DDX31: variants seen among roughly 807,000 people sequenced by gnomAD.
DDX31 encodes the protein ATP-dependent DNA helicase DDX31.
DDX31 carries 70 observed loss-of-function variants against 91.3 expected under a neutral mutation model. The observed-to-expected ratio is 0.77, with a 90% CI of 0.63 to 0.94. The LOEUF is 0.94. Ranked by LOEUF, DDX31 falls within the 40% of genes least tolerant of loss-of-function variation. The pLI, the probability that DDX31 is intolerant of heterozygous loss-of-function variation, is 0.00. For synonymous variants in DDX31, 362 were observed against 350.6 expected, an observed-to-expected ratio of 1.03 and a Z score of -0.36; for missense variants, 902 against 925.0, an observed-to-expected ratio of 0.98 and a Z score of 0.32.
intron 18 of DDX31, chr9:132,612,460 G>A (rs1013697797): frequency 5.1e-6 from 3 of 585,894 alleles, no homozygotes; most frequent in Non-Finnish European, 9.0e-6. Flanking sequence ...AAAACTACAG[G>A]GGGCCACAAT....
chr9:132,632,336 G>A (rs1444414416), intron 14 of DDX31, among the ~76,000 whole-genome samples: 1 of 134,328 alleles, frequency 7.4e-6, no homozygotes, highest in Non-Finnish European at 1.7e-5. Flanking sequence ...GGGACCTACT[G>A]CAGTCCTCTT....
rs1833820738 is a variant in DDX31, at chr9:132,646,091, G to T, written c.1204-20C>A. The T allele has an allele frequency of 6.2e-7, 1 of 1,602,816 alleles. No homozygotes were observed. Among genetic ancestry groups the T allele is most frequent in the Non-Finnish European group, 8.5e-7 (1 of 1,172,390 alleles). On this transcript the variant is annotated intron_variant, in intron 12 of 19. Coordinates refer to ENST00000372159, the MANE Select transcript of DDX31 (RefSeq NM_022779.9). ...CTCAAACTACATCGATACAAAGGGAGGAAAAACCGACATATTTTAAGATTA... is the reference window on the plus strand; with the variant it reads ...CTCAAACTACATCGATACAAAGGGATGAAAAACCGACATATTTTAAGATTA...
At chr9:132,654,225 T>C (rs1254364604) in intron 6 of DDX31, among the ~76,000 whole-genome samples, 2 of 152,264 alleles carry the variant, frequency 1.3e-5, no homozygotes, top group South Asian at 2.1e-4. Flanking sequence ...AGTCAAATGA[T>C]AACCTGGGGA....
intron 13 of DDX31, among the ~76,000 whole-genome samples, chr9:132,644,528 G>A (rs1477463919): frequency 1.3e-5 from 2 of 152,122 alleles, no homozygotes; most frequent in South Asian, 4.2e-4. Flanking sequence ...CCCCCAGAGG[G>A]CACAGCTATA....
chr9:132,617,194 C>T (rs892735751), intron 18 of DDX31, among the ~76,000 whole-genome samples: 1 of 152,134 alleles, frequency 6.6e-6, no homozygotes, highest in Non-Finnish European at 1.5e-5. Context: ...CCAGAATGCC[C>T]TTCCTTTAGA....
chr9:132,598,262 G>T (rs1256593098), intron 19 of DDX31, among the ~76,000 whole-genome samples: 1 of 152,182 alleles, frequency 6.6e-6, no homozygotes, highest in Non-Finnish European at 1.5e-5. Flanking sequence ...AAGATGAAAT[G>T]CTCTAAACCC....
chr9:132,647,021 TG>T lies in DDX31; in HGVS notation c.1004del (p.Pro335GlnfsTer14). 1 of 1,614,156 alleles carries T rather than the reference TG, an allele frequency of 6.2e-7. No individual in the cohort carries two copies. The highest frequency in any genetic ancestry group is 8.5e-7 in the Non-Finnish European group (1 of 1,180,030). ...TRLADISLHD[P>X]VSISVLDKSH... ...TCTTGTCCAGGACAGAAATACTGACTGGATCATGCAAACTGATATCAGCTAG... is the reference window on the plus strand; with the variant it reads ...TCTTGTCCAGGACAGAAATACTGACTGATCATGCAAACTGATATCAGCTAG... On this transcript the variant is annotated frameshift_variant, in exon 12 of 20. Transcript: ENST00000372159. LOFTEE classifies it high-confidence loss of function.
Position 132,648,256 on chromosome 9 carries a change from T to A in DDX31, c.900A>T (p.Ile300=). 1 of 1,613,890 alleles carries A rather than the reference T, an allele frequency of 6.2e-7. No homozygotes were observed. The highest frequency in any genetic ancestry group is 8.5e-7 in the Non-Finnish European group (1 of 1,179,952). The change falls in exon 11 of 20, where the codon ATA becomes ATT. Residue 300 remains isoleucine (I), a synonymous_variant. Transcript: ENST00000372159. Reference sequence around the variant, plus strand: ...GGCATTCAGCATTTACAGCATTAAGTATCACTGTGATGTCCTTTTCAAAAC... The same window carrying A: ...GGCATTCAGCATTTACAGCATTAAGAATCACTGTGATGTCCTTTTCAAAAC... The part of the protein sequence containing the change: ...DLGFEKDITV[I]LNAVNAECQK...
At chr9:132,669,259 C>CT (rs1182196727) in intron 1 of DDX31, among the ~76,000 whole-genome samples, 2 of 136,888 alleles carry the variant, frequency 1.5e-5, no homozygotes, top group Admixed American at 1.4e-4. Flanking sequence ...CCCGCCCGCC[C>CT]CCCCCAAAGA....
chr9:132,618,546 T>A, intron 17 of DDX31, 105 bp from the exon 18 acceptor site: 2 of 873,942 alleles, frequency 2.3e-6, no homozygotes, highest in Non-Finnish European at 3.5e-6. Context: ...AGTAACCACC[T>A]AGGGCCAACA....
At chr9:132,651,206 G>C (rs1208639258) in intron 7 of DDX31, 90 bp from the exon 8 acceptor site, 1 of 1,100,634 alleles carries the variant, frequency 9.1e-7, no homozygotes, top group Admixed American at 2.3e-5. Flanking sequence ...ATCCAAACTT[G>C]GACCTCAAGT....
intron 14 of DDX31, among the ~76,000 whole-genome samples, chr9:132,634,427 A>T (rs1187465517): frequency 6.6e-6 from 1 of 152,074 alleles, no homozygotes; most frequent in African/African-American, 2.4e-5. Context: ...TGCAAACATC[A>T]TGACAATTTA....
intron 1 of DDX31, among the ~76,000 whole-genome samples, chr9:132,666,958 C>T (rs965101183): frequency 2.6e-5 from 4 of 151,974 alleles, no homozygotes; most frequent in Admixed American, 6.6e-5. Context: ...CGTGATCCAC[C>T]GGCCTCGGCC....
intron 17 of DDX31, among the ~76,000 whole-genome samples, chr9:132,622,529 C>T (rs183954289): frequency 9.8e-5 from 15 of 152,312 alleles, no homozygotes; most frequent in Non-Finnish European, 1.9e-4. Flanking sequence ...AGCTTCCCTG[C>T]GTTGCGCAGA....
At chr9:132,662,788 T>TC in intron 1 of DDX31, 93 bp from the exon 2 acceptor site, 6 of 1,535,518 alleles carry the variant, frequency 3.9e-6, no homozygotes, top group Non-Finnish European at 5.3e-6. Context: ...CAGAATTGCA[T>TC]CTCTCCCTGC....
intron 19 of DDX31, among the ~76,000 whole-genome samples, chr9:132,596,649 C>T (rs1261639076): frequency 6.6e-6 from 1 of 152,212 alleles, no homozygotes; most frequent in Non-Finnish European, 1.5e-5. Flanking sequence ...AGGAGGGTAA[C>T]CTGCCCCAGG....
At chr9:132,638,102 C>A in intron 14 of DDX31, 1 of 1,357,504 alleles carries the variant, frequency 7.4e-7, no homozygotes. Flanking sequence ...GCCGGACAGC[C>A]AAGGAGGATG....
At position 132,595,560 on chromosome 9, in the gene DDX31, C is replaced by T. The variant is rs146843766; in HGVS notation, c.1995-448G>A. ...CCTCCTCATGGGCTCCTGAGGGCTT[C>T]AGGACTCAGCCCTGCGGGAGCAGAG... is the stretch of plus-strand genomic sequence containing the variant. On this transcript the variant is annotated intron_variant, in intron 19 of 19. Transcript: ENST00000372159. The surrounding 1 kb of genome is among the most constrained non-coding windows in gnomAD (Gnocchi z 4.6). Among the ~76,000 whole-genome samples the T allele has an allele frequency of 6.6e-6, 1 of 152,354 alleles. No individual in the cohort carries two copies. Among genetic ancestry groups the T allele is most frequent in the Non-Finnish European group, 1.5e-5 (1 of 68,042 alleles).
intron 18 of DDX31, 81 bp downstream of exon 18, chr9:132,618,249 G>T (rs1831768088): frequency 1.6e-6 from 2 of 1,245,896 alleles, no homozygotes; most frequent in Admixed American, 2.2e-5. Flanking sequence ...CTCTCAACCG[G>T]TTTGGGGGTA....
Sources: gnomAD v4.1 joint callset for allele counts (sites outside exome capture counted in the v4.1 genomes callset) on GRCh38, gnomAD v4.1.1 for gene constraint, Gnocchi (gnomAD v3.1) non-coding constraint, MANE v1.5 for transcripts, NCBI Gene and HGNC (gene_info 2026-07-23, HGNC 2026-07-21) for gene names.